Variants in NDUFA10 observed in about 807,000 individuals in gnomAD.
NDUFA10 encodes the protein NADH dehydrogenase [ubiquinone] 1 alpha subcomplex subunit 10, mitochondrial.
In NDUFA10, 40 loss-of-function variants were observed where a neutral mutation model predicts 47.8. The ratio of observed to expected loss-of-function variants is 0.84; its 90% CI spans 0.65 to 1.09. The LOEUF is 1.09. Ranked by LOEUF, NDUFA10 falls within the 50% of genes least tolerant of loss-of-function variation. The probability of loss-of-function intolerance (pLI) is 0.00; values close to 1 mark genes in which losing one functional copy is unlikely to be tolerated. For missense variants in NDUFA10, 413 were observed against 451.1 expected, an observed-to-expected ratio of 0.92 and a Z score of 0.76; for synonymous variants, 183 against 172.2, an observed-to-expected ratio of 1.06 and a Z score of -0.49.
At chr2:239,921,862 C>T (rs978509731) in intron 4 of NDUFA10, among the ~76,000 whole-genome samples, 6 of 152,004 alleles carry the variant, frequency 3.9e-5, no homozygotes, top group African/African-American at 1.2e-4. Context: ...CAGGTCCATC[C>T]TCCTGACCCT....
chr2:239,986,389 A>G (rs536069717), intron 9 of NDUFA10, among the ~76,000 whole-genome samples: 2 of 152,314 alleles, frequency 1.3e-5, no homozygotes, highest in African/African-American at 4.8e-5. Context: ...GCCCCGTGGG[A>G]TTCCGGCAGG....
intron 4 of NDUFA10, 67 bp downstream of exon 4, chr2:240,018,486 T>C (rs752700738): frequency 1.1e-5 from 17 of 1,613,728 alleles, no homozygotes; most frequent in African/African-American, 1.3e-5. Context: ...AAGTGCAAGG[T>C]GAGTCTATCA....
At chr2:239,982,460 T>C (rs1695816906) in intron 9 of NDUFA10, among the ~76,000 whole-genome samples, 1 of 152,234 alleles carries the variant, frequency 6.6e-6, no homozygotes, top group African/African-American at 2.4e-5. Context: ...AACCTCTAAC[T>C]GTGACCCAAC....
At position 239,960,107 on chromosome 2, in the gene NDUFA10, T is replaced by C. The variant is rs575477219; in HGVS notation, c.*1011A>G. The C allele has an allele frequency of 2.8e-5, 28 of 985,372 alleles. No homozygotes were observed. Among genetic ancestry groups the C allele is most frequent in the East Asian group, 1.1e-4 (1 of 8,814 alleles). 61.0% of individuals were successfully genotyped at this position (985,372 alleles called of 1,614,324 possible). Reference sequence around the variant, plus strand: ...CCACATGTGGCTAGGAGCTACCATATTGGACACAGTGGAGCTTTACAGTGG... The same window carrying C: ...CCACATGTGGCTAGGAGCTACCATACTGGACACAGTGGAGCTTTACAGTGG... On this transcript the variant is annotated 3_prime_UTR_variant, in exon 10 of 10. Transcript: ENST00000252711.
chr2:239,908,405 C>T (rs576495475), intron 4 of NDUFA10, among the ~76,000 whole-genome samples: 14 of 152,248 alleles, frequency 9.2e-5, no homozygotes, highest in East Asian at 7.7e-4. Flanking sequence ...ATTAAAAAAA[C>T]AAAAGAAAAA....
chr2:239,981,369 C>G (rs1030837158), intron 9 of NDUFA10, among the ~76,000 whole-genome samples: 1 of 152,068 alleles, frequency 6.6e-6, no homozygotes, highest in Admixed American at 6.6e-5. Flanking sequence ...GATCAGACAG[C>G]GTCCAGAGCA....
chr2:239,954,076 G>A (rs959437907), downstream of NDUFA10, among the ~76,000 whole-genome samples: 1 of 151,600 alleles, frequency 6.6e-6, no homozygotes, highest in Non-Finnish European at 1.5e-5. Context: ...ACTGCCTCAG[G>A]GCTGTGAGAC....
chr2:239,959,285 C>T lies in NDUFA10; in HGVS notation c.*1833G>A. The T allele has an allele frequency of 2.0e-6, 2 of 985,490 alleles. No individual in the cohort carries two copies. Among genetic ancestry groups the T allele is most frequent in the Non-Finnish European group, 2.4e-6 (2 of 829,952 alleles). The allele number at this position is 985,490 out of a possible 1,614,324, so 61.0% of individuals were successfully genotyped here. Reference sequence around the variant, plus strand: ...TGGAGAGCTCTGCCCCTCACAAGGGCAATCCTGACCACAGGGCAGACCTGC... The same window carrying T: ...TGGAGAGCTCTGCCCCTCACAAGGGTAATCCTGACCACAGGGCAGACCTGC... On this transcript the variant is annotated 3_prime_UTR_variant, in exon 10 of 10. Coordinates refer to ENST00000252711, the MANE Select transcript of NDUFA10 (RefSeq NM_004544.4).
chr2:239,932,832 CG>C (rs1429337927), intron 4 of NDUFA10, among the ~76,000 whole-genome samples: 3 of 152,182 alleles, frequency 2.0e-5, no homozygotes, highest in African/African-American at 7.2e-5. Context: ...CCACCCGCCT[CG>C]GCCTCCCAAA....
In NDUFA10 at chr2:240,016,189, G is replaced by A. The variant is rs1044260182; in HGVS notation, c.548-1329C>T. Among the ~76,000 whole-genome samples the A allele has an allele frequency of 6.6e-6, 1 of 152,202 alleles. No homozygotes were observed. Among genetic ancestry groups the A allele is most frequent in the Non-Finnish European group, 1.5e-5 (1 of 68,024 alleles). On this transcript the variant is annotated intron_variant, in intron 4 of 9. Transcript: ENST00000252711. The surrounding 1 kb of genome is among the most constrained non-coding windows in gnomAD (Gnocchi z 4.4). Reference sequence around the variant, plus strand: ...GAACAAGGAAGACCACCCAGGAGGAGGTGTGACAAAGCAAAGGACGGAGGC... The same window carrying A: ...GAACAAGGAAGACCACCCAGGAGGAAGTGTGACAAAGCAAAGGACGGAGGC...
intron 3 of NDUFA10, among the ~76,000 whole-genome samples, chr2:240,020,547 T>C (rs1697578657): frequency 6.6e-6 from 1 of 152,198 alleles, no homozygotes; most frequent in African/African-American, 2.4e-5. Context: ...GTAGTCCATG[T>C]TCATGCCCTT....
intron 9 of NDUFA10, among the ~76,000 whole-genome samples, chr2:239,976,010 T>C (rs4149555): frequency 0.2 from 29,912 of 152,174 alleles, 3,282 homozygotes; most frequent in African/African-American, 0.29. Context: ...ATTTATCTGA[T>C]AGGGTTTCTA....
intron 4 of NDUFA10, among the ~76,000 whole-genome samples, chr2:239,939,055 C>A (rs1004735199): frequency 7.9e-5 from 12 of 152,218 alleles, no homozygotes; most frequent in African/African-American, 2.9e-4. Flanking sequence ...CCCCACAATG[C>A]TCTCCTTTCG....
At chr2:239,895,368 G>A (rs1287336734) in intron 4 of NDUFA10, 8 of 404,700 alleles carry the variant, frequency 2.0e-5, no homozygotes, top group South Asian at 3.7e-5. Flanking sequence ...AGGGGAGCCC[G>A]AGCTCTGTGC....
At chr2:240,018,078 T>C (rs1188509756) in intron 4 of NDUFA10, among the ~76,000 whole-genome samples, 1 of 152,112 alleles carries the variant, frequency 6.6e-6, no homozygotes, top group African/African-American at 2.4e-5. Flanking sequence ...CCTTCCCCAA[T>C]ACAGCAACAC....
chr2:239,947,339 A>C (rs1457615303), intron 4 of NDUFA10, among the ~76,000 whole-genome samples: 3 of 152,210 alleles, frequency 2.0e-5, no homozygotes, highest in African/African-American at 7.2e-5. Flanking sequence ...CCCCAGGGAC[A>C]GAGCTCCTGA....
intron 9 of NDUFA10, among the ~76,000 whole-genome samples, chr2:239,988,983 G>T (rs1363654286): frequency 6.7e-6 from 1 of 148,344 alleles, no homozygotes; most frequent in African/African-American, 2.5e-5. Context: ...CAGAAAGGGA[G>T]AAACAGCACA....
chr2:239,950,900 C>T (rs533785170), intron 4 of NDUFA10, among the ~76,000 whole-genome samples: 6 of 152,340 alleles, frequency 3.9e-5, no homozygotes, highest in Admixed American at 2.0e-4. Context: ...ATTGTTCCCA[C>T]TGCTCCCATG....
At chr2:239,979,672 C>T (rs78571298) in intron 9 of NDUFA10, among the ~76,000 whole-genome samples, 3 of 152,082 alleles carry the variant, frequency 2.0e-5, no homozygotes, top group African/African-American at 4.8e-5. Flanking sequence ...CCTCCCTGAC[C>T]GCCTTGGCCC....
Sources: gnomAD v4.1 joint callset for allele counts (sites outside exome capture counted in the v4.1 genomes callset) on GRCh38, gnomAD v4.1.1 for gene constraint, Gnocchi (gnomAD v3.1) non-coding constraint, MANE v1.5 for transcripts, NCBI Gene and HGNC (gene_info 2026-07-23, HGNC 2026-07-21) for gene names.